Variants in MORN1 observed in about 807,000 individuals in gnomAD.
MORN1 encodes the protein MORN repeat containing 1, also known as MORN repeat-containing protein 1.
Under a neutral mutation model 61.9 loss-of-function variants are expected in MORN1, and 67 were observed. The ratio of observed to expected loss-of-function variants is 1.08; its 90% confidence interval spans 0.89 to 1.33. MORN1 has a LOEUF of 1.33. MORN1 is among the 40% of genes most tolerant of loss of function. The pLI is 0.00. For synonymous variants in MORN1, 301 were observed against 292.0 expected, an observed-to-expected ratio of 1.03 and a Z score of -0.31; for missense variants, 752 against 691.2, an observed-to-expected ratio of 1.09 and a Z score of -0.99.
chr1:2,332,542 A>C (rs898297623), intron 12 of MORN1: 1 of 452,044 alleles, frequency 2.2e-6, no homozygotes, highest in Admixed American at 2.4e-5. Context: ...CTGGGCTTCT[A>C]TGATGGGGGA....
intron 13 of MORN1, chr1:2,322,712 G>A (rs536580387): frequency 3.3e-5 from 33 of 985,476 alleles, no homozygotes; most frequent in Non-Finnish European, 3.7e-5. Context: ...CAAGCAGCCC[G>A]GTTTCTAGGT....
In MORN1 at chr1:2,370,251, C is replaced by T. The variant is rs188746998; in HGVS notation, c.745+2230G>A. Among the ~76,000 whole-genome samples, 32 of 152,276 alleles carry T rather than the reference C, an allele frequency of 2.1e-4. 1 individual carries two copies. Among genetic ancestry groups the T allele is most frequent in the Admixed American group, 2.1e-3 (32 of 15,288 alleles). The stretch of plus-strand genomic sequence containing the variant: ...CCAGGGCAACTCAACGGCAAAAGGA[C>T]GGTGTTCTCAACAAATGATGCTGGG... On this transcript the variant is annotated intron_variant, in intron 8 of 13. Transcript: ENST00000378531.
At chr1:2,350,887 T>A (rs1242951791) in intron 10 of MORN1, 1 of 152,288 alleles carries the variant, frequency 6.6e-6, no homozygotes, top group African/African-American at 2.4e-5. Flanking sequence ...TGGCTTTGCT[T>A]TATTTCAGGT....
At chr1:2,380,163 G>A (rs1382856515) in intron 6 of MORN1, among the ~76,000 whole-genome samples, 1 of 152,224 alleles carries the variant, frequency 6.6e-6, no homozygotes, top group Admixed American at 6.5e-5. Flanking sequence ...CTCACAGGAG[G>A]CCCTGAGATC....
intron 10 of MORN1, among the ~76,000 whole-genome samples, chr1:2,356,146 C>T (rs925858957): frequency 9.2e-5 from 14 of 152,224 alleles, no homozygotes; most frequent in South Asian, 2.1e-4. Flanking sequence ...CTTGGGGAGG[C>T]GGCGCGACGG....
rs531761578 is a variant in MORN1 at position 2,387,938 on chromosome 1, C to T, written c.247+301G>A. 1.4e-5 allele frequency: 6 copies of T among 437,742 alleles called. No individual in the cohort carries two copies. In the East Asian group the frequency reaches 1.9e-4, roughly 14 times the overall value. 27.1% of individuals were successfully genotyped at this position (437,742 alleles called of 1,614,324 possible). On this transcript the variant is annotated intron_variant, in intron 3 of 13. Transcript: ENST00000378531. ...CACACAGCTCCCGGCAACGAATCCC[C>T]AGAGCTGGTTTCCCATCTAGGGATA...
rs188678113 is a variant in MORN1 at position 2,372,189 on chromosome 1, T to C, written c.745+292A>G. On this transcript the variant is annotated intron_variant, in intron 8 of 13. Transcript: ENST00000378531. The surrounding 1 kb of genome is among the most constrained non-coding windows in gnomAD (Gnocchi z 5.4). ...GTGCACGCGTGCCCCCCCACACGTA[T>C]ACACATTCAGACCTGTGCACACCTG... The C allele has an allele frequency of 2.1e-3, 696 of 334,488 alleles. 8 individuals are homozygous for C. Among genetic ancestry groups the C allele is most frequent in the African/African-American group, 0.014 (641 of 47,226 alleles). The allele number at this position is 334,488 out of a possible 1,614,324, so 20.7% of individuals were successfully genotyped here.
At chr1:2,391,414 GC>G in intron 1 of MORN1, 43 bp downstream of exon 1, 1 of 1,254,214 alleles carries the variant, frequency 8.0e-7, no homozygotes, top group South Asian at 3.6e-5. Flanking sequence ...CCTGAATGGA[GC>G]CCAGGGCAGC....
intron 10 of MORN1, among the ~76,000 whole-genome samples, chr1:2,353,879 G>C (rs1641703804): frequency 6.6e-6 from 1 of 152,250 alleles, no homozygotes; most frequent in African/African-American, 2.4e-5. Context: ...AAAAGTTTGT[G>C]TCAACTCCTG....
intron 10 of MORN1, among the ~76,000 whole-genome samples, chr1:2,353,023 T>C (rs1166941685): frequency 6.6e-6 from 1 of 152,178 alleles, no homozygotes; most frequent in Non-Finnish European, 1.5e-5. Context: ...AGGTGGAAAC[T>C]TGAGGCTGGG....
At chr1:2,339,677 C>T (rs1303381008) in intron 10 of MORN1, among the ~76,000 whole-genome samples, 2 of 152,192 alleles carry the variant, frequency 1.3e-5, no homozygotes, top group African/African-American at 2.4e-5. Flanking sequence ...CTGGCACTGC[C>T]CTCAGCTGCA....
At chr1:2,340,813 C>T (rs1413056807) in intron 10 of MORN1, among the ~76,000 whole-genome samples, 2 of 152,180 alleles carry the variant, frequency 1.3e-5, no homozygotes, top group Admixed American at 6.5e-5. Context: ...GGCCGCCATA[C>T]AGGCTGCCAC....
intron 10 of MORN1, chr1:2,350,843 G>A (rs1641629133): frequency 6.6e-6 from 1 of 152,300 alleles, no homozygotes; most frequent in Non-Finnish European, 1.5e-5. Flanking sequence ...AACACGCTGA[G>A]ACATTGGCAA....
At chr1:2,340,464 C>A (rs1251756789) in intron 10 of MORN1, among the ~76,000 whole-genome samples, 2 of 152,198 alleles carry the variant, frequency 1.3e-5, no homozygotes, top group African/African-American at 2.4e-5. Flanking sequence ...CCCCTCCACC[C>A]ACACAAGTCT....
intron 8 of MORN1, among the ~76,000 whole-genome samples, chr1:2,362,278 T>C (rs1394296447): frequency 6.6e-6 from 1 of 152,144 alleles, no homozygotes; most frequent in African/African-American, 2.4e-5. Context: ...GGAAGTGGAT[T>C]ATCACAAAGA....
intron 12 of MORN1, chr1:2,332,801 T>A: frequency 2.2e-6 from 1 of 448,990 alleles, no homozygotes; most frequent in South Asian, 1.6e-5. Context: ...TTGGGGCTTG[T>A]GCGGAGACGA....
At chr1:2,371,467 G>C (rs1318936936) in intron 8 of MORN1, 2 of 152,214 alleles carry the variant, frequency 1.3e-5, no homozygotes, top group Admixed American at 6.5e-5. Context: ...TCAAAATCAC[G>C]AGGAGCTATC....
chr1:2,388,037 A>C, intron 3 of MORN1: 1 of 530,070 alleles, frequency 1.9e-6, no homozygotes, highest in Non-Finnish European at 3.3e-6. Context: ...ATTCTAGAAA[A>C]GTGTCTCCGG....
chr1:2,332,706 G>T (rs1393113444), intron 12 of MORN1: 2 of 456,528 alleles, frequency 4.4e-6, no homozygotes, highest in Non-Finnish European at 4.4e-6. Context: ...TCTGTGCCTC[G>T]AGATTTGGAG....
Sources: allele counts gnomAD v4.1 joint callset (sites outside exome capture counted in the v4.1 genomes callset), GRCh38; gene constraint gnomAD v4.1.1; non-coding constraint Gnocchi (gnomAD v3.1); transcripts MANE v1.5; gene names NCBI Gene and HGNC (gene_info 2026-07-23, HGNC 2026-07-21).